The following CSRNP3 variants were observed in gnomAD, a reference collection of about 807,000 sequenced individuals.
The protein encoded by CSRNP3 is cysteine and serine rich nuclear protein 3.
Under a neutral mutation model 48.0 loss-of-function variants are expected in CSRNP3, and 12 were observed. The ratio of observed to expected loss-of-function variants is 0.25; its 90% confidence interval spans 0.16 to 0.41. CSRNP3 has a LOEUF of 0.41. Among genes scored for constraint, CSRNP3 ranks in the 10% least tolerant of loss-of-function variants. The pLI, the probability that CSRNP3 is intolerant of heterozygous loss-of-function variation, is 1.00. For synonymous variants in CSRNP3, 263 were observed against 269.7 expected (o/e 0.98, Z 0.24); for missense variants, 580 against 724.4 (o/e 0.80, Z 2.29).
At position 165,686,475 on chromosome 2, in the gene CSRNP3, A is replaced by G. The variant is rs1169733599; in HGVS notation, c.*6722A>G. 6.6e-6 allele frequency: 1 copy of G among 151,902 alleles called. No individual in the cohort carries two copies. Among genetic ancestry groups the G allele is most frequent in the African/African-American group, 2.4e-5 (1 of 41,424 alleles). 9.4% of individuals were successfully genotyped at this position (151,902 alleles called of 1,614,324 possible). On this transcript the variant is annotated 3_prime_UTR_variant, in exon 7 of 7. Coordinates refer to ENST00000651982, the MANE Select transcript of CSRNP3 (RefSeq NM_001172173.2). Reference sequence around the variant, plus strand: ...CTCTTTAAAACAAATTTAAAGATCTATATACATTTTTGCAACTTTATTTAA... The same window carrying G: ...CTCTTTAAAACAAATTTAAAGATCTGTATACATTTTTGCAACTTTATTTAA...
chr2:165,567,080 T>C (rs1685306732), intron 3 of CSRNP3: 1 of 152,122 alleles, frequency 6.6e-6, no homozygotes, highest in Non-Finnish European at 1.5e-5. Context: ...CTTTTACTTA[T>C]GGTGCAACCA....
chr2:165,484,988 T>C (rs1684093562), intron 1 of CSRNP3, among the ~76,000 whole-genome samples: 1 of 142,704 alleles, frequency 7.0e-6, no homozygotes, highest in East Asian at 2.2e-4. Flanking sequence ...TCATTTTGAA[T>C]ATTTTAATTC....
chr2:165,516,932 G>A (rs532503629), intron 2 of CSRNP3, among the ~76,000 whole-genome samples: 1 of 152,188 alleles, frequency 6.6e-6, no homozygotes, highest in South Asian at 2.1e-4. Flanking sequence ...AGCAGCATAA[G>A]TTGCTTGTGT....
At chr2:165,557,607 C>A (rs1037960059) in intron 3 of CSRNP3, among the ~76,000 whole-genome samples, 1 of 152,096 alleles carries the variant, frequency 6.6e-6, no homozygotes, top group African/African-American at 2.4e-5. Flanking sequence ...GAGGGAGCTC[C>A]CCCCACAACC....
intron 3 of CSRNP3, among the ~76,000 whole-genome samples, chr2:165,585,383 G>A (rs1685611921): frequency 6.6e-6 from 1 of 152,022 alleles, no homozygotes; most frequent in African/African-American, 2.4e-5. Context: ...CTTCCGACCT[G>A]CTATCACAGA....
At chr2:165,544,158 T>C (rs148570061) in intron 3 of CSRNP3, among the ~76,000 whole-genome samples, 8 of 152,184 alleles carry the variant, frequency 5.3e-5, no homozygotes, top group African/African-American at 1.9e-4. Context: ...GCAGAGTGAC[T>C]GGACACATTA....
intron 2 of CSRNP3, among the ~76,000 whole-genome samples, chr2:165,505,200 G>A (rs894260077): frequency 6.6e-6 from 1 of 151,990 alleles, no homozygotes; most frequent in African/African-American, 2.4e-5. Context: ...AAACAAGCAA[G>A]CAAAAACTAC....
chr2:165,601,697 C>A (rs908193196), intron 4 of CSRNP3, among the ~76,000 whole-genome samples: 3 of 152,102 alleles, frequency 2.0e-5, no homozygotes, highest in African/African-American at 7.2e-5. Flanking sequence ...TTCCCTCCCT[C>A]CCTTTTCTCT....
At position 165,529,288 on chromosome 2, in the gene CSRNP3, C is replaced by T. The variant is rs117243152; in HGVS notation, c.-24+11327C>T. Among the ~76,000 whole-genome samples, 749 of 152,244 alleles carry T rather than the reference C, an allele frequency of 4.9e-3. 17 individuals carry two copies. Among genetic ancestry groups the T allele is most frequent in the East Asian group, 0.038 (194 of 5,168 alleles). ...TTTGGCTGTGTCTCCACCCAAATTT[C>T]ATGTTGAATTCCCAAAGGGACCCTG... is the stretch of plus-strand genomic sequence containing the variant. On this transcript the variant is annotated intron_variant, in intron 3 of 6. Coordinates refer to ENST00000651982, the MANE Select transcript of CSRNP3 (RefSeq NM_001172173.2).
chr2:165,552,307 T>C (rs1685108023), intron 3 of CSRNP3, among the ~76,000 whole-genome samples: 1 of 152,238 alleles, frequency 6.6e-6, no homozygotes, highest in African/African-American at 2.4e-5. Context: ...TTCCTGGTGC[T>C]CTTAAGCCAC....
chr2:165,574,707 G>T (rs904562552), intron 3 of CSRNP3, among the ~76,000 whole-genome samples: 1 of 152,092 alleles, frequency 6.6e-6, no homozygotes, highest in South Asian at 2.1e-4. Flanking sequence ...AGATCTCTGA[G>T]CTGAAACATC....
intron 3 of CSRNP3, among the ~76,000 whole-genome samples, chr2:165,527,105 CA>C (rs1684741919): frequency 6.7e-6 from 1 of 150,156 alleles, no homozygotes. Context: ...GGTGTTTTCA[CA>C]GCATATTTTA....
At chr2:165,515,543 T>C (rs1034157072) in intron 2 of CSRNP3, among the ~76,000 whole-genome samples, 1 of 151,570 alleles carries the variant, frequency 6.6e-6, no homozygotes, top group Non-Finnish European at 1.5e-5. Flanking sequence ...ATCACAAATA[T>C]AGTCAGTTTT....
intron 3 of CSRNP3, among the ~76,000 whole-genome samples, chr2:165,521,411 C>G (rs917938846): frequency 1.3e-5 from 2 of 152,148 alleles, no homozygotes; most frequent in African/African-American, 4.8e-5. Flanking sequence ...TCTTTAAATT[C>G]CTTTGCTTTC....
chr2:165,565,315 T>G (rs956076930), intron 3 of CSRNP3, among the ~76,000 whole-genome samples: 2 of 152,108 alleles, frequency 1.3e-5, no homozygotes, highest in African/African-American at 4.8e-5. Context: ...AATAACTTGT[T>G]TTTACTAGTT....
chr2:165,472,186 T>C (rs1480046192), intron 1 of CSRNP3, among the ~76,000 whole-genome samples: 1 of 152,046 alleles, frequency 6.6e-6, no homozygotes, highest in African/African-American at 2.4e-5. Context: ...GCTTGGTATA[T>C]GTCCAGGCTA....
chr2:165,478,234 C>G (rs543337950), intron 1 of CSRNP3, among the ~76,000 whole-genome samples: 1 of 152,226 alleles, frequency 6.6e-6, no homozygotes, highest in East Asian at 1.9e-4. Context: ...GCCTCTAACT[C>G]AAAGGCTGAA....
At chr2:165,637,786 A>G (rs1329052115) in intron 4 of CSRNP3, among the ~76,000 whole-genome samples, 1 of 152,196 alleles carries the variant, frequency 6.6e-6, no homozygotes, top group Non-Finnish European at 1.5e-5. Flanking sequence ...GTCTTTGTAA[A>G]TCTACTTTTT....
intron 1 of CSRNP3, among the ~76,000 whole-genome samples, chr2:165,494,031 C>G (rs1194074305): frequency 1.3e-5 from 2 of 152,104 alleles, no homozygotes; most frequent in African/African-American, 4.8e-5. Context: ...AGAAATGTAT[C>G]AGGCTACATA....
Sources: allele counts gnomAD v4.1 joint callset (sites outside exome capture counted in the v4.1 genomes callset), GRCh38; gene constraint gnomAD v4.1.1; transcripts MANE v1.5; gene names NCBI Gene and HGNC (gene_info 2026-07-23, HGNC 2026-07-21).